The following CUX1 variants were observed in gnomAD, a reference collection of about 807,000 sequenced individuals.
CUX1 encodes the protein protein CASP.
A neutral mutation model predicts 158.8 loss-of-function variants in CUX1; 31 were observed. The ratio of observed to expected loss-of-function variants is 0.20; its 90% CI spans 0.15 to 0.26. CUX1 has a LOEUF of 0.26. CUX1 is among the 10% of genes least tolerant of loss of function. The pLI, the probability that CUX1 is intolerant of heterozygous loss-of-function variation, is 1.00. For missense variants in CUX1, 1,589 were observed against 2,014.6 expected (o/e 0.79, Z 4.04); for synonymous variants, 879 against 862.1 (o/e 1.02, Z -0.34).
chr7:101,980,811 G>A (rs780057629), intron 2 of CUX1, among the ~76,000 whole-genome samples: 4 of 151,910 alleles, frequency 2.6e-5, no homozygotes, highest in Non-Finnish European at 4.4e-5. Context: ...GGATGTACCT[G>A]GAAGCCACAG....
intron 10 of CUX1, 150 bp downstream of exon 10, chr7:102,170,700 A>G (rs1160750501): frequency 3.8e-5 from 22 of 579,058 alleles, no homozygotes; most frequent in Admixed American, 6.6e-5. Flanking sequence ...GCTTTGACCA[A>G]TTGGGGGCCG....
intron 2 of CUX1, among the ~76,000 whole-genome samples, chr7:102,021,987 G>C (rs945761153): frequency 1.3e-5 from 2 of 152,222 alleles, no homozygotes; most frequent in Non-Finnish European, 2.9e-5. Context: ...AGACAGAGGT[G>C]AACCTCCATG....
rs1198139773 is a variant in CUX1, at chr7:101,916,656, T to C, written c.141+431T>C. On this transcript the variant is annotated intron_variant, in intron 2 of 23. Transcript: ENST00000292535. This position sits in a 1 kb window ranked among gnomAD's most constrained non-coding sequence, Gnocchi z 4.4. ...TGGTGCAGGCGGAGTGTCTGAAGGC[T>C]GCACGCATCTGGGCATAGCAGTGCG... is the stretch of plus-strand genomic sequence containing the variant. 1 of 197,606 alleles carries C rather than the reference T, an allele frequency of 5.1e-6. No homozygotes were observed. Among genetic ancestry groups the C allele is most frequent in the East Asian group, 1.1e-4 (1 of 8,764 alleles). 12.2% of individuals were successfully genotyped at this position (197,606 alleles called of 1,614,324 possible). A position where few individuals can be genotyped will look rare whatever the true frequency, so the allele number is the denominator to read the frequency against.
chr7:102,251,238 T>C lies in CUX1; in HGVS notation c.*2196T>C. 1.0e-6 allele frequency: 1 copy of C among 982,364 alleles called. No individual in the cohort carries two copies. Among genetic ancestry groups the C allele is most frequent in the Non-Finnish European group, 1.2e-6 (1 of 827,242 alleles). The allele number at this position is 982,364 out of a possible 1,614,324, so 60.9% of individuals were successfully genotyped here. On this transcript the variant is annotated 3_prime_UTR_variant, in exon 24 of 24. Transcript: ENST00000292535. ...TTAAGTTTAATTAATATTACTTTTT[T>C]TTTTATTTGGGGGGTGGGAGGGAGT...
intron 5 of CUX1, among the ~76,000 whole-genome samples, chr7:102,101,124 T>G (rs1373104305): frequency 6.6e-6 from 1 of 152,040 alleles, no homozygotes; most frequent in Non-Finnish European, 1.5e-5. Context: ...CCCAGACACC[T>G]CCCACTTGGC....
chr7:102,061,483 G>C (rs1824870795), intron 3 of CUX1, among the ~76,000 whole-genome samples: 2 of 152,164 alleles, frequency 1.3e-5, no homozygotes, highest in Admixed American at 1.3e-4. Context: ...TGTTTTCCAA[G>C]GGCTGCCACG....
At chr7:102,135,571 TTG>T (rs111724094) in intron 8 of CUX1, among the ~76,000 whole-genome samples, 22 of 149,256 alleles carry the variant, frequency 1.5e-4, no homozygotes, top group South Asian at 4.2e-4. Flanking sequence ...GTGTGTGTGT[TTG>T]TGTGTGTGTG....
intron 8 of CUX1, among the ~76,000 whole-genome samples, chr7:102,136,499 C>T (rs1265096656): frequency 6.6e-6 from 1 of 152,046 alleles, no homozygotes; most frequent in African/African-American, 2.4e-5. Flanking sequence ...TCAAGCAATT[C>T]TCCTGCCTCA....
At chr7:102,014,381 G>A (rs1818362231) in intron 2 of CUX1, among the ~76,000 whole-genome samples, 1 of 152,164 alleles carries the variant, frequency 6.6e-6, no homozygotes, top group South Asian at 2.1e-4. Context: ...TTGCAAAGTT[G>A]GGCATAGAGA....
intron 20 of CUX1, among the ~76,000 whole-genome samples, chr7:102,206,836 T>C (rs1325087321): frequency 6.6e-6 from 1 of 151,912 alleles, no homozygotes; most frequent in African/African-American, 2.4e-5. Flanking sequence ...GAGGCGGAGG[T>C]TGCAGTGAGC....
intron 20 of CUX1, among the ~76,000 whole-genome samples, chr7:102,217,042 T>A (rs1554525134): frequency 6.6e-6 from 1 of 152,216 alleles, no homozygotes; most frequent in East Asian, 1.9e-4. Context: ...CATTGATAAG[T>A]GTTCGTACAC....
intron 1 of CUX1, among the ~76,000 whole-genome samples, chr7:101,856,094 C>T (rs1302590557): frequency 3.5e-5 from 5 of 144,128 alleles, no homozygotes; most frequent in East Asian, 2.1e-4. Context: ...GCTGAAGGAT[C>T]GCTTGAGTCC....
chr7:102,043,323 C>CTCTGTGTG (rs376535414), intron 3 of CUX1, among the ~76,000 whole-genome samples: 14 of 139,068 alleles, frequency 1.0e-4, no homozygotes, highest in African/African-American at 3.2e-4. Context: ...CATTAGCTCA[C>CTCTGTGTG]TGTGTGTGTG....
chr7:102,218,419 C>T (rs534415584), intron 20 of CUX1, among the ~76,000 whole-genome samples: 8 of 152,342 alleles, frequency 5.3e-5, no homozygotes, highest in Middle Eastern at 3.4e-3. Flanking sequence ...TATGGTGGCT[C>T]ATGCCTGTAA....
chr7:101,948,658 G>A (rs1808672315), intron 2 of CUX1, among the ~76,000 whole-genome samples: 1 of 152,288 alleles, frequency 6.6e-6, no homozygotes, highest in Non-Finnish European at 1.5e-5. Context: ...GGGGCTACTG[G>A]TTGGTGGCTC....
chr7:102,111,564 G>T, intron 6 of CUX1, 134 bp from the exon 7 acceptor site: 2 of 739,960 alleles, frequency 2.7e-6, no homozygotes, highest in Non-Finnish European at 4.7e-6. Flanking sequence ...CACACGTGTC[G>T]TTGCGGGCGA....
chr7:101,991,584 C>T (rs1013312697), intron 2 of CUX1, among the ~76,000 whole-genome samples: 1 of 152,030 alleles, frequency 6.6e-6, no homozygotes, highest in South Asian at 2.1e-4. Context: ...TATGGCCAAA[C>T]CCTGTCTCTA....
intron 2 of CUX1, among the ~76,000 whole-genome samples, chr7:101,917,556 G>A (rs761707311): frequency 6.6e-6 from 1 of 152,124 alleles, no homozygotes; most frequent in East Asian, 1.9e-4. Flanking sequence ...GGAGTGGGGG[G>A]CCCTATTCTC....
chr7:102,085,193 G>T (rs543357242), intron 4 of CUX1, among the ~76,000 whole-genome samples: 28 of 152,152 alleles, frequency 1.8e-4, no homozygotes, highest in African/African-American at 5.3e-4. Context: ...AACAAATCTT[G>T]CATTCCTAGG....
Sources: gnomAD v4.1 joint callset for allele counts (sites outside exome capture counted in the v4.1 genomes callset) on GRCh38, gnomAD v4.1.1 for gene constraint, Gnocchi (gnomAD v3.1) non-coding constraint, MANE v1.5 for transcripts, NCBI Gene and HGNC (gene_info 2026-07-23, HGNC 2026-07-21) for gene names.